The following SMARCC1 variants were observed in gnomAD, a reference collection of about 807,000 sequenced individuals.
The protein encoded by SMARCC1 is SWI/SNF complex subunit SMARCC1.
In SMARCC1, 43 loss-of-function variants were observed where a neutral mutation model predicts 147.4. That is an observed-to-expected ratio of 0.29 (90% CI 0.23 to 0.38). The LOEUF is 0.38. Ranked by LOEUF, SMARCC1 falls within the 10% of genes least tolerant of loss-of-function variation. The probability of loss-of-function intolerance (pLI) is 1.00; values close to 1 mark genes in which losing one functional copy is unlikely to be tolerated. For missense variants in SMARCC1, 1,119 were observed against 1,381.1 expected (o/e 0.81, Z 3.01); for synonymous variants, 495 against 484.4 (o/e 1.02, Z -0.29).
intron 26 of SMARCC1, among the ~76,000 whole-genome samples, chr3:47,598,542 G>C (rs912502728): frequency 6.6e-6 from 1 of 152,058 alleles, no homozygotes; most frequent in Non-Finnish European, 1.5e-5. Flanking sequence ...TTAAAGCTAT[G>C]TATGTGGCCC....
chr3:47,591,824 C>T (rs1235182611), intron 26 of SMARCC1, among the ~76,000 whole-genome samples: 2 of 152,104 alleles, frequency 1.3e-5, no homozygotes, highest in Non-Finnish European at 2.9e-5. Flanking sequence ...GGATTACAGG[C>T]GTGAGCCACT....
intron 2 of SMARCC1, among the ~76,000 whole-genome samples, chr3:47,761,626 G>A (rs925975576): frequency 1.3e-5 from 2 of 152,008 alleles, no homozygotes; most frequent in East Asian, 1.9e-4. Context: ...TTTCTTTCAC[G>A]TAAGTCCATC....
At chr3:47,771,071 C>T (rs1050987290) in intron 2 of SMARCC1, among the ~76,000 whole-genome samples, 8 of 152,058 alleles carry the variant, frequency 5.3e-5, no homozygotes, top group Non-Finnish European at 8.8e-5. Context: ...CCACCACGCC[C>T]GGCTAATTTT....
intron 13 of SMARCC1, among the ~76,000 whole-genome samples, chr3:47,687,999 C>G (rs1311533346): frequency 6.6e-6 from 1 of 152,164 alleles, no homozygotes; most frequent in Non-Finnish European, 1.5e-5. Context: ...TTGGCTCACA[C>G]ATGTAATCCC....
intron 26 of SMARCC1, among the ~76,000 whole-genome samples, chr3:47,597,452 G>T (rs1190391178): frequency 6.6e-6 from 1 of 151,978 alleles, no homozygotes; most frequent in African/African-American, 2.4e-5. Context: ...GCAGCCTCCC[G>T]AGTAGCTAGG....
intron 11 of SMARCC1, among the ~76,000 whole-genome samples, chr3:47,698,349 A>G (rs922610355): frequency 6.6e-6 from 1 of 152,134 alleles, no homozygotes; most frequent in Non-Finnish European, 1.5e-5. Flanking sequence ...ATCACACACC[A>G]TGGTAAAATA....
At chr3:47,638,468 C>A (rs1162671209) in intron 22 of SMARCC1, among the ~76,000 whole-genome samples, 1 of 152,054 alleles carries the variant, frequency 6.6e-6, no homozygotes, top group Non-Finnish European at 1.5e-5. Context: ...AATTCATATT[C>A]CTTCTTCTTC....
intron 7 of SMARCC1, among the ~76,000 whole-genome samples, chr3:47,718,535 G>A (rs1363476898): frequency 6.6e-6 from 1 of 151,960 alleles, no homozygotes; most frequent in African/African-American, 2.4e-5. Context: ...GAGAAGACGA[G>A]AAGTAGATAG....
At chr3:47,646,978 G>A (rs1576397955) in intron 21 of SMARCC1, among the ~76,000 whole-genome samples, 1 of 152,074 alleles carries the variant, frequency 6.6e-6, no homozygotes, top group South Asian at 2.1e-4. Flanking sequence ...AAAACTAACT[G>A]TGTTTCTTCT....
At chr3:47,668,415 T>A (rs1027241642) in intron 19 of SMARCC1, among the ~76,000 whole-genome samples, 38 of 152,188 alleles carry the variant, frequency 2.5e-4, no homozygotes, top group African/African-American at 9.2e-4. Flanking sequence ...CGATTAAAGA[T>A]TTTTCTTTTT....
intron 1 of SMARCC1, among the ~76,000 whole-genome samples, chr3:47,775,419 C>CA (rs1176971339): frequency 1.3e-5 from 2 of 149,478 alleles, no homozygotes; most frequent in Non-Finnish European, 3.0e-5. Flanking sequence ...CTCGGCCTCC[C>CA]AAAGTGCTGG....
chr3:47,609,874 C>T (rs1322442717), intron 26 of SMARCC1, among the ~76,000 whole-genome samples, 192 bp downstream of exon 26: 6 of 152,204 alleles, frequency 3.9e-5, no homozygotes, highest in Admixed American at 6.5e-5. Context: ...GGCATCATAC[C>T]AAGAGAAAAA....
At position 47,706,477 on chromosome 3, in the gene SMARCC1, C is replaced by T; in HGVS notation, c.972G>A (p.Lys324=). The change falls in exon 10 of 28, where the codon AAG becomes AAA. Residue 324 remains lysine (K), a synonymous_variant. Coordinates refer to ENST00000254480, the MANE Select transcript of SMARCC1 (RefSeq NM_003074.4). Reference sequence around the variant, plus strand: ...GGGGAGGCGAAGGCGAATGTTTCCTCTTTCGAGCATTAGCTGATGCTTTTC... The same window carrying T: ...GGGGAGGCGAAGGCGAATGTTTCCTTTTTCGAGCATTAGCTGATGCTTTTC... ...RDRKASANAR[K]RKHSPSPPPP... 4 of 1,581,932 alleles carry T rather than the reference C, an allele frequency of 2.5e-6. No individual in the cohort carries two copies. The highest frequency in any genetic ancestry group is 3.4e-6 in the Non-Finnish European group (4 of 1,167,892).
intron 15 of SMARCC1, among the ~76,000 whole-genome samples, chr3:47,679,573 T>A (rs2106760146): frequency 6.6e-6 from 1 of 152,172 alleles, no homozygotes; most frequent in East Asian, 1.9e-4. Flanking sequence ...TGAAAGTTGT[T>A]AGGACAGGCC....
At chr3:47,705,411 A>C (rs371390963) in intron 10 of SMARCC1, among the ~76,000 whole-genome samples, 40 of 152,084 alleles carry the variant, frequency 2.6e-4, no homozygotes, top group African/African-American at 9.6e-4. Context: ...TTCAATTTTC[A>C]TGTCATAATA....
chr3:47,754,668 G>A (rs1328748766), intron 2 of SMARCC1, among the ~76,000 whole-genome samples: 1 of 151,976 alleles, frequency 6.6e-6, no homozygotes, highest in Non-Finnish European at 1.5e-5. Context: ...TAGAAAGAAA[G>A]CAAATCCCCA....
chr3:47,617,765 T>C (rs1336911306), intron 25 of SMARCC1, among the ~76,000 whole-genome samples: 1 of 152,140 alleles, frequency 6.6e-6, no homozygotes, highest in Non-Finnish European at 1.5e-5. Context: ...AGAGAACAGG[T>C]CTCCAAGCTG....
intron 24 of SMARCC1, among the ~76,000 whole-genome samples, chr3:47,626,455 CT>C (rs747094802): frequency 3.1e-5 from 2 of 64,628 alleles, no homozygotes; most frequent in African/African-American, 4.7e-5. Flanking sequence ...GAGACCCTGT[CT>C]TTAAAAAAAA....
At chr3:47,758,865 A>G (rs1576433490) in intron 2 of SMARCC1, among the ~76,000 whole-genome samples, 5 of 151,900 alleles carry the variant, frequency 3.3e-5, no homozygotes, top group Admixed American at 3.3e-4. Context: ...CACAAACACA[A>G]AATTAGCCAG....
Sources: gnomAD v4.1 joint callset for allele counts (sites outside exome capture counted in the v4.1 genomes callset) on GRCh38, gnomAD v4.1.1 for gene constraint, MANE v1.5 for transcripts, NCBI Gene and HGNC (gene_info 2026-07-23, HGNC 2026-07-21) for gene names.